The following OSBPL11 variants were observed in gnomAD, a reference collection of about 807,000 sequenced individuals.
OSBPL11 encodes the protein oxysterol binding protein like 11, also known as oxysterol-binding protein-related protein 11.
A neutral mutation model predicts 84.4 loss-of-function variants in OSBPL11; 33 were observed. The observed-to-expected ratio is 0.39, with a 90% CI of 0.30 to 0.52. The LOEUF is 0.52. Among genes scored for constraint, OSBPL11 ranks in the 20% least tolerant of loss-of-function variants. The probability of loss-of-function intolerance (pLI) is 0.72; values close to 1 mark genes in which losing one functional copy is unlikely to be tolerated. For missense variants in OSBPL11, 736 were observed against 901.1 expected (o/e 0.82, Z 2.35); for synonymous variants, 276 against 310.2 (o/e 0.89, Z 1.16).
chr3:125,579,919 C>T lies in OSBPL11; in HGVS notation c.355G>A (p.Asp119Asn). 1 of 1,614,240 alleles carries T rather than the reference C, an allele frequency of 6.2e-7. No individual in the cohort carries two copies. The highest frequency in any genetic ancestry group is 8.5e-7 in the Non-Finnish European group (1 of 1,180,044). The change falls in exon 3 of 13, where the codon GAT becomes AAT. Residue 119 changes from aspartate to asparagine, a missense_variant. By Grantham distance (23) the Asp-to-Asn change is conservative (BLOSUM62 1). Transcript: ENST00000296220. Reference protein sequence around the residue: ...AGAVISPSDEDSHTFTVNAAS... With the variant: ...AGAVISPSDENSHTFTVNAAS... ...GCGTTTACAGTGAAGGTGTGAGAAT[C>T]CTCATCACTGGGTGATATTACAGCT...
Position 125,529,482 on chromosome 3 carries a change from C to T in OSBPL11, c.*1033G>A, listed in dbSNP as rs1252593607. On this transcript the variant is annotated 3_prime_UTR_variant, in exon 13 of 13. Coordinates refer to ENST00000296220, the MANE Select transcript of OSBPL11 (RefSeq NM_022776.5). ...AAAAAATAAATAAAACCATACCTTA[C>T]ATGCGCGTTCAGTTACACATATAAG... The T allele has an allele frequency of 2.0e-5, 3 of 150,682 alleles. No homozygotes were observed. The highest frequency in any genetic ancestry group is 1.3e-4 in the Admixed American group (2 of 15,102). 9.3% of individuals were successfully genotyped at this position (150,682 alleles called of 1,614,324 possible).
At chr3:125,539,385 T>C (rs1350981685) in intron 10 of OSBPL11, among the ~76,000 whole-genome samples, 2 of 148,066 alleles carry the variant, frequency 1.4e-5, no homozygotes, top group African/African-American at 4.9e-5. Context: ...GATAGCTGTA[T>C]TGATGCAGCA....
chr3:125,543,256 G>A (rs1257663700), intron 10 of OSBPL11, among the ~76,000 whole-genome samples: 3 of 149,014 alleles, frequency 2.0e-5, no homozygotes, highest in African/African-American at 2.5e-5. Flanking sequence ...CTTGGCCTCC[G>A]AAGTACCTGG....
Position 125,595,172 on chromosome 3 carries a change from C to T in OSBPL11, c.-372G>A, listed in dbSNP as rs10547. 0.023 allele frequency: 3,796 copies of T among 168,546 alleles called. 79 individuals carry two copies. The highest frequency in any genetic ancestry group is 0.075 in the South Asian group (550 of 7,340). The allele number at this position is 168,546 out of a possible 1,614,324, so 10.4% of individuals were successfully genotyped here. ...TGGGAAAAGGACGGAGCGCCACGGA[C>T]AGGGGACCCGCGGCCTAACCTCGGG... On this transcript the variant is annotated 5_prime_UTR_variant, in exon 1 of 13. Transcript: ENST00000296220.
At chr3:125,582,288 T>C (rs527733592) in intron 2 of OSBPL11, among the ~76,000 whole-genome samples, 2 of 151,192 alleles carry the variant, frequency 1.3e-5, no homozygotes, top group Non-Finnish European at 2.9e-5. Context: ...TGAGCCGAGA[T>C]CATGCCATTG....
intron 1 of OSBPL11, among the ~76,000 whole-genome samples, chr3:125,588,221 C>CAAA (rs35794012): frequency 1.6e-4 from 8 of 51,606 alleles, no homozygotes; most frequent in African/African-American, 2.1e-4. Context: ...GACCCTGTCT[C>CAAA]AAAAAAAAAA....
At chr3:125,540,328 CAAAAAAAAAAAA>C (rs201858368) in intron 10 of OSBPL11, among the ~76,000 whole-genome samples, 9 of 85,336 alleles carry the variant, frequency 1.1e-4, no homozygotes, top group East Asian at 5.6e-4. Flanking sequence ...GGCTCTGTCT[CAAAAAAAAAAAA>C]AAAAAAAAAA....
At chr3:125,578,203 C>T (rs753089885) in intron 4 of OSBPL11, among the ~76,000 whole-genome samples, 29 of 151,938 alleles carry the variant, frequency 1.9e-4, no homozygotes, top group Non-Finnish European at 2.9e-4. Context: ...AAGGAATAAA[C>T]GAATAAAGTA....
intron 5 of OSBPL11, among the ~76,000 whole-genome samples, chr3:125,574,168 G>A (rs1422899134): frequency 2.6e-5 from 4 of 151,762 alleles, no homozygotes; most frequent in Admixed American, 2.0e-4. Flanking sequence ...CATTAATGGC[G>A]TAAAAGCAAT....
intron 4 of OSBPL11, among the ~76,000 whole-genome samples, chr3:125,577,626 G>A (rs1040614868): frequency 2.0e-5 from 3 of 152,018 alleles, no homozygotes; most frequent in Admixed American, 6.6e-5. Context: ...TCAAGAGTTC[G>A]AGACCAGCCT....
At chr3:125,569,329 T>C (rs1936210003) in intron 5 of OSBPL11, among the ~76,000 whole-genome samples, 2 of 152,154 alleles carry the variant, frequency 1.3e-5, no homozygotes, top group South Asian at 4.1e-4. Context: ...CAGTGTCATA[T>C]ATGGAACAGT....
chr3:125,543,124 ATTTTTTTTT>A (rs60571172), intron 10 of OSBPL11, among the ~76,000 whole-genome samples: 9 of 99,280 alleles, frequency 9.1e-5, no homozygotes, highest in African/African-American at 3.4e-4. Context: ...GGCTAGTAAG[ATTTTTTTTT>A]TTTTTTTTTT....
chr3:125,583,138 T>C (rs1037027196), intron 1 of OSBPL11, among the ~76,000 whole-genome samples, 160 bp from the exon 2 acceptor site: 1 of 152,190 alleles, frequency 6.6e-6, no homozygotes, highest in Admixed American at 6.5e-5. Flanking sequence ...GCATTTAATC[T>C]CCCAAATTTC....
chr3:125,583,114 A>G, intron 1 of OSBPL11, 136 bp from the exon 2 acceptor site: 1 of 583,796 alleles, frequency 1.7e-6, no homozygotes, highest in South Asian at 2.5e-5. Context: ...AGTAAAATGT[A>G]TAGGTCAACA....
intron 5 of OSBPL11, among the ~76,000 whole-genome samples, chr3:125,572,922 T>C (rs563961207): frequency 6.2e-4 from 86 of 139,004 alleles, no homozygotes; most frequent in Non-Finnish European, 1.1e-3. Context: ...TGTGTATATA[T>C]ATACACACAC....
Position 125,547,483 on chromosome 3 carries a change from A to G in OSBPL11, c.1764T>C (p.Ser588=). The change falls in exon 10 of 13, where the codon AGT becomes AGC. Residue 588 remains serine, a synonymous_variant. Coordinates refer to ENST00000296220, the MANE Select transcript of OSBPL11 (RefSeq NM_022776.5). ...VPWVELGGKV[S]VNCAKTGYSA... is the part of the protein sequence containing the mutation. ...AATATCCAGTTTTTGCACAGTTGAC[A>G]CTGACTTTGCCACCCAGTTCTACCC... is the stretch of plus-strand genomic sequence containing the variant. The G allele has an allele frequency of 3.1e-6, 5 of 1,614,112 alleles. No homozygotes were observed. Among genetic ancestry groups the G allele is most frequent in the African/African-American group, 1.3e-5 (1 of 75,026 alleles).
At chr3:125,577,853 G>T (rs1257255627) in intron 4 of OSBPL11, among the ~76,000 whole-genome samples, 1 of 151,568 alleles carries the variant, frequency 6.6e-6, no homozygotes, top group Non-Finnish European at 1.5e-5. Context: ...ATTAAAAAAA[G>T]AAATTAGAAC....
intron 9 of OSBPL11, among the ~76,000 whole-genome samples, chr3:125,551,571 C>T (rs911871566): frequency 1.1e-4 from 17 of 152,080 alleles, no homozygotes; most frequent in African/African-American, 3.6e-4. Flanking sequence ...GAGTTTGAGA[C>T]CAGCCTAACC....
intron 8 of OSBPL11, among the ~76,000 whole-genome samples, chr3:125,559,148 A>G (rs1289735672): frequency 1.3e-5 from 2 of 152,178 alleles, no homozygotes; most frequent in African/African-American, 2.4e-5. Flanking sequence ...AGCTGCAAAT[A>G]TTTACTATCT....
Sources: allele counts gnomAD v4.1 joint callset (sites outside exome capture counted in the v4.1 genomes callset), GRCh38; gene constraint gnomAD v4.1.1; transcripts MANE v1.5; gene names NCBI Gene and HGNC (gene_info 2026-07-23, HGNC 2026-07-21).